CACNA2D3: variants seen among roughly 807,000 people sequenced by gnomAD.
The protein encoded by CACNA2D3 is calcium voltage-gated channel auxiliary subunit alpha2delta 3.
In CACNA2D3, 60 loss-of-function variants were observed where a neutral mutation model predicts 160.6. The ratio of observed to expected loss-of-function variants is 0.37; its 90% CI spans 0.30 to 0.46. CACNA2D3 has a LOEUF of 0.46. CACNA2D3 is among the 20% of genes least tolerant of loss of function. The pLI, the probability that CACNA2D3 is intolerant of heterozygous loss-of-function variation, is 1.00. For missense variants in CACNA2D3, 1,205 were observed against 1,365.0 expected (o/e 0.88, Z 1.85); for synonymous variants, 558 against 492.9 (o/e 1.13, Z -1.75).
chr3:54,675,971 C>G (rs1398575034), intron 11 of CACNA2D3, among the ~76,000 whole-genome samples: 2 of 152,134 alleles, frequency 1.3e-5, no homozygotes, highest in African/African-American at 4.8e-5. Flanking sequence ...TTTTGTCTTC[C>G]CTAAAATCCC....
chr3:54,681,422 G>A lies in CACNA2D3; in HGVS notation c.1167+39181G>A, dbSNP rs553368770. Among the ~76,000 whole-genome samples the A allele has an allele frequency of 2.1e-4, 31 of 145,152 alleles. 1 individual carries two copies. The South Asian group carries it at 6.8e-3, about 32-fold the overall frequency. ...AAAAAAAAAAAAGGCCAGGCATGGT[G>A]GCACATGCCTGTAGTCCCAGCTACT... On this transcript the variant is annotated intron_variant, in intron 11 of 37. Coordinates refer to ENST00000474759, the MANE Select transcript of CACNA2D3 (RefSeq NM_018398.3).
At position 54,275,194 on chromosome 3, in the gene CACNA2D3, T is replaced by C. The variant is rs372011963; in HGVS notation, c.205-45248T>C. 1.8e-3 allele frequency among the ~76,000 whole-genome samples: 278 copies of C among 152,286 alleles called. 1 individual carries two copies. Among genetic ancestry groups the C allele is most frequent in the African/African-American group, 5.6e-3 (233 of 41,566 alleles). ...GAAACCCACTTTGCTGTTCCCTCTT[T>C]CGTCTCTCATAGCAGGCGCCCTCTT... is the stretch of plus-strand genomic sequence containing the variant. On this transcript the variant is annotated intron_variant, in intron 2 of 37. Coordinates refer to ENST00000474759, the MANE Select transcript of CACNA2D3 (RefSeq NM_018398.3).
intron 4 of CACNA2D3, among the ~76,000 whole-genome samples, chr3:54,460,978 A>G (rs1421956467): frequency 6.6e-6 from 1 of 151,576 alleles, no homozygotes; most frequent in Non-Finnish European, 1.5e-5. Context: ...GAGAGTTTTT[A>G]GCATGAAGAG....
At chr3:54,164,300 G>C (rs1425298413) in intron 2 of CACNA2D3, among the ~76,000 whole-genome samples, 1 of 152,130 alleles carries the variant, frequency 6.6e-6, no homozygotes, top group African/African-American at 2.4e-5. Flanking sequence ...CCTGGATCTT[G>C]ATTCCACTGG....
intron 9 of CACNA2D3, among the ~76,000 whole-genome samples, chr3:54,590,202 CTATGGAATAT>C (rs1251909061): frequency 6.6e-6 from 1 of 151,974 alleles, no homozygotes; most frequent in Non-Finnish European, 1.5e-5. Flanking sequence ...TATGTCGCCA[CTATGGAATAT>C]TACTTAGTAA....
chr3:54,203,818 G>T (rs1052489505), intron 2 of CACNA2D3, among the ~76,000 whole-genome samples: 1 of 151,970 alleles, frequency 6.6e-6, no homozygotes, highest in Non-Finnish European at 1.5e-5. Context: ...TGTGCCTCTT[G>T]ACGTCTGGCT....
chr3:54,894,561 C>T (rs1211519801), intron 25 of CACNA2D3: 1 of 506,570 alleles, frequency 2.0e-6, no homozygotes, highest in South Asian at 1.5e-5. Flanking sequence ...GCATCATTAA[C>T]CTGTGCTGCA....
intron 13 of CACNA2D3, among the ~76,000 whole-genome samples, chr3:54,802,935 T>G (rs1703027979): frequency 6.6e-6 from 1 of 152,202 alleles, no homozygotes; most frequent in Non-Finnish European, 1.5e-5. Flanking sequence ...CCACTGCTGT[T>G]ACCCAGTCAA....
chr3:54,391,698 A>G (rs776043279), intron 4 of CACNA2D3, among the ~76,000 whole-genome samples: 16 of 151,920 alleles, frequency 1.1e-4, no homozygotes, highest in Non-Finnish European at 1.3e-4. Flanking sequence ...TTTTGTGGAT[A>G]CCGGGTTTCA....
At chr3:54,922,020 C>A (rs1030136755) in intron 27 of CACNA2D3, among the ~76,000 whole-genome samples, 2 of 152,030 alleles carry the variant, frequency 1.3e-5, no homozygotes, top group African/African-American at 4.8e-5. Flanking sequence ...TGGATTTTTC[C>A]TAGTTATGTT....
chr3:54,687,121 C>CTTTTTCTTTTTTTTTTTTTTT, intron 11 of CACNA2D3, among the ~76,000 whole-genome samples: 11 of 94,934 alleles, frequency 1.2e-4, no homozygotes, highest in South Asian at 4.3e-4. Context: ...TTTTCTTTTT[C>CTTTTTCTTTTTTTTTTTTTTT]TTTTTTTTTT....
chr3:54,845,232 A>C (rs1294661885), intron 16 of CACNA2D3, among the ~76,000 whole-genome samples: 1 of 152,226 alleles, frequency 6.6e-6, no homozygotes, highest in Non-Finnish European at 1.5e-5. Context: ...GGAAACTTTT[A>C]ATTGCCAGTG....
chr3:54,262,794 C>T (rs980759102), intron 2 of CACNA2D3, among the ~76,000 whole-genome samples: 25 of 152,144 alleles, frequency 1.6e-4, no homozygotes, highest in Non-Finnish European at 1.5e-5. Context: ...TTCCAGCAAC[C>T]GCATGGCGAG....
chr3:54,870,562 T>C (rs1250062125), intron 17 of CACNA2D3, among the ~76,000 whole-genome samples: 1 of 152,144 alleles, frequency 6.6e-6, no homozygotes, highest in African/African-American at 2.4e-5. Context: ...ACAACCAGCA[T>C]GAAAGGCCTC....
intron 4 of CACNA2D3, among the ~76,000 whole-genome samples, chr3:54,405,313 G>A (rs547061692): frequency 6.8e-6 from 1 of 146,106 alleles, no homozygotes; most frequent in East Asian, 2.0e-4. Flanking sequence ...CACATTTCCT[G>A]TTAAAATTAT....
At chr3:54,204,008 C>T (rs1701223310) in intron 2 of CACNA2D3, among the ~76,000 whole-genome samples, 1 of 152,016 alleles carries the variant, frequency 6.6e-6, no homozygotes, top group African/African-American at 2.4e-5. Context: ...TGTGCACTTC[C>T]TGCCTGCTCC....
chr3:54,240,178 GA>G (rs1207594476), intron 2 of CACNA2D3, among the ~76,000 whole-genome samples: 19 of 152,264 alleles, frequency 1.2e-4, no homozygotes, highest in African/African-American at 4.6e-4. Context: ...CAAGACAGGA[GA>G]AAAGAATTCA....
intron 3 of CACNA2D3, among the ~76,000 whole-genome samples, chr3:54,328,703 A>C (rs1008764607): frequency 6.6e-6 from 1 of 152,192 alleles, no homozygotes; most frequent in Non-Finnish European, 1.5e-5. Flanking sequence ...GGCTTGCCAA[A>C]ACAGAGAGAT....
chr3:54,281,071 C>T (rs1702869081), intron 2 of CACNA2D3, among the ~76,000 whole-genome samples: 1 of 152,202 alleles, frequency 6.6e-6, no homozygotes, highest in African/African-American at 2.4e-5. Flanking sequence ...TGAATGGCAT[C>T]ATGTGCAAAT....
Sources: gnomAD v4.1 joint callset for allele counts (sites outside exome capture counted in the v4.1 genomes callset) on GRCh38, gnomAD v4.1.1 for gene constraint, MANE v1.5 for transcripts, NCBI Gene and HGNC (gene_info 2026-07-23, HGNC 2026-07-21) for gene names.